The following BCAT1 variants were observed in gnomAD, a reference collection of about 807,000 sequenced individuals.
The protein encoded by BCAT1 is branched-chain-amino-acid aminotransferase, cytosolic.
Under a neutral mutation model 52.4 loss-of-function variants are expected in BCAT1, and 48 were observed. The observed-to-expected ratio is 0.92, with a 90% confidence interval of 0.73 to 1.16. The LOEUF (loss-of-function observed/expected upper bound fraction) is 1.16. Among genes scored for constraint, BCAT1 ranks in the 50% most tolerant of loss-of-function variants. The pLI, the probability that BCAT1 is intolerant of heterozygous loss-of-function variation, is 0.00. For missense variants in BCAT1, 451 were observed against 457.1 expected, an observed-to-expected ratio of 0.99 and a Z score of 0.12; for synonymous variants, 167 against 161.3, an observed-to-expected ratio of 1.04 and a Z score of -0.27.
chr12:24,943,784 A>T (rs971700319), intron 1 of BCAT1, among the ~76,000 whole-genome samples: 1 of 151,916 alleles, frequency 6.6e-6, no homozygotes, highest in African/African-American at 2.4e-5. Context: ...GGAGATCAAG[A>T]CCTTCCTGGC....
Position 24,902,807 on chromosome 12 carries a change from C to T in BCAT1, c.7-922G>A, listed in dbSNP as rs563951814. 114 of 1,229,290 alleles carry T rather than the reference C, an allele frequency of 9.3e-5. No homozygotes were observed. In the African/African-American group the frequency reaches 1.5e-3, roughly 17 times the overall value. The allele number at this position is 1,229,290 out of a possible 1,614,324, so 76.1% of individuals were successfully genotyped here. A position where few individuals can be genotyped will look rare whatever the true frequency, so the allele number is the denominator to read the frequency against. ...GCAGGGATGCGGGGAAGGGAAGACG[C>T]CTCGCTGGAGGCGGAATGGAGGGCA... On this transcript the variant is annotated intron_variant, in intron 1 of 10. Coordinates refer to ENST00000261192, the MANE Select transcript of BCAT1 (RefSeq NM_005504.7).
At chr12:24,936,723 T>TCTCTCTCACA (rs201793932) in intron 1 of BCAT1, among the ~76,000 whole-genome samples, 4 of 141,800 alleles carry the variant, frequency 2.8e-5, no homozygotes, top group African/African-American at 1.0e-4. Flanking sequence ...TCTCTCTCTC[T>TCTCTCTCACA]CACACACACA....
chr12:24,911,440 C>T (rs964970360), intron 1 of BCAT1, among the ~76,000 whole-genome samples: 2 of 152,104 alleles, frequency 1.3e-5, no homozygotes, highest in Non-Finnish European at 2.9e-5. Context: ...GGACCCTGCT[C>T]GAAGTTTGTG....
At chr12:24,900,352 G>A (rs776310255) in intron 2 of BCAT1, among the ~76,000 whole-genome samples, 3 of 152,184 alleles carry the variant, frequency 2.0e-5, no homozygotes, top group African/African-American at 4.8e-5. Context: ...TTGGGAGGCC[G>A]AGGTGGGAGG....
chr12:24,886,018 T>C (rs1156261754), intron 3 of BCAT1, among the ~76,000 whole-genome samples: 2 of 152,194 alleles, frequency 1.3e-5, no homozygotes, highest in African/African-American at 4.8e-5. Flanking sequence ...AATTTAAACA[T>C]ATTTCTTGTC....
chr12:24,817,940 T>C lies in BCAT1; in HGVS notation c.*68A>G, dbSNP rs1459460263. The C allele has an allele frequency of 5.9e-6, 9 of 1,515,066 alleles. No homozygotes were observed. Among genetic ancestry groups the C allele is most frequent in the South Asian group, 2.3e-5 (2 of 87,764 alleles). 93.9% of individuals were successfully genotyped at this position (1,515,066 alleles called of 1,614,324 possible). Reference sequence around the variant, plus strand: ...CCAAAGAAATCTATCACAATTCAAATGCAACAGTCTGTCCCAGTAGCATAC... The same window carrying C: ...CCAAAGAAATCTATCACAATTCAAACGCAACAGTCTGTCCCAGTAGCATAC... On this transcript the variant is annotated 3_prime_UTR_variant, in exon 11 of 11. Coordinates refer to ENST00000261192, the MANE Select transcript of BCAT1 (RefSeq NM_005504.7).
intron 1 of BCAT1, among the ~76,000 whole-genome samples, chr12:24,940,074 T>C (rs1292924190): frequency 1.3e-5 from 2 of 152,204 alleles, no homozygotes; most frequent in South Asian, 2.1e-4. Context: ...CTTTCCTCAA[T>C]TGTTTTCTTT....
At chr12:24,914,431 A>C (rs1298007520) in intron 1 of BCAT1, among the ~76,000 whole-genome samples, 1 of 152,160 alleles carries the variant, frequency 6.6e-6, no homozygotes, top group Non-Finnish European at 1.5e-5. Flanking sequence ...TCGTGAGAAC[A>C]GGCCGCTCCA....
At chr12:24,889,377 T>C (rs1942773252) in intron 3 of BCAT1, among the ~76,000 whole-genome samples, 1 of 152,216 alleles carries the variant, frequency 6.6e-6, no homozygotes, top group African/African-American at 2.4e-5. Context: ...CATTTATCAC[T>C]GATGTCTATT....
Position 24,828,159 on chromosome 12 carries a change from C to T in BCAT1, c.1119+1664G>A, listed in dbSNP as rs78083705. On this transcript the variant is annotated intron_variant, in intron 10 of 10. Transcript: ENST00000261192. ...CTTAGTTTCATGACTTAATGCCATC[C>T]GACATCACTCAAATGATCAAACTTT... Among the ~76,000 whole-genome samples the T allele has an allele frequency of 7.9e-5, 12 of 152,302 alleles. No homozygotes were observed. In the South Asian group the frequency reaches 1.0e-3, roughly 13 times the overall value.
intron 5 of BCAT1, among the ~76,000 whole-genome samples, chr12:24,853,589 C>T (rs1417811692): frequency 6.6e-6 from 1 of 152,096 alleles, no homozygotes; most frequent in Non-Finnish European, 1.5e-5. Flanking sequence ...TAACTCCTGA[C>T]TCTCACATAA....
chr12:24,832,739 A>G lies in BCAT1; in HGVS notation c.1028T>C (p.Ile343Thr), dbSNP rs1354844976. 6.2e-7 allele frequency: 1 copy of G among 1,611,174 alleles called. No homozygotes were observed. Among genetic ancestry groups the G allele is most frequent in the South Asian group, 1.1e-5 (1 of 90,270 alleles). The change falls in exon 9 of 11, where the codon ATA (isoleucine) becomes ACA (threonine). Residue 343 changes from isoleucine (I) to threonine (T), a missense_variant. Transcript: ENST00000261192. ...TTGTCGTACCTCGCCTTTGTACAGT[A>G]TATCAGAAACTGGGCAAACAACACA... ...TACVVCPVSD[I>T]LYKGETIHIP... is the part of the protein sequence containing the mutation.
At chr12:24,864,669 C>A (rs1051878546) in intron 5 of BCAT1, among the ~76,000 whole-genome samples, 7 of 152,196 alleles carry the variant, frequency 4.6e-5, no homozygotes, top group African/African-American at 1.7e-4. Context: ...AAGACACACA[C>A]TCCCTTTAGC....
rs1235424758 is a variant in BCAT1 at position 24,836,942 on chromosome 12, GAAAGAA to G, written c.818-352_818-347del. Among the ~76,000 whole-genome samples the G allele has an allele frequency of 3.7e-5, 4 of 107,736 alleles. No individual in the cohort carries two copies. In the Admixed American group the frequency reaches 3.7e-4, roughly 10 times the overall value. 70.7% of individuals were successfully genotyped at this position (107,736 alleles called of 152,430 possible). A position where few individuals can be genotyped will look rare whatever the true frequency, so the allele number is the denominator to read the frequency against. On this transcript the variant is annotated intron_variant, in intron 7 of 10. Transcript: ENST00000261192. ...AGAAAGAAAGAAAGAAAGAAAGAAA[GAAAGAA>G]AGAAAGAAAAGAGAAAGAAAGAAAG...
intron 1 of BCAT1, among the ~76,000 whole-genome samples, chr12:24,907,999 G>A (rs535586227): frequency 6.6e-6 from 1 of 152,166 alleles, no homozygotes; most frequent in South Asian, 2.1e-4. Context: ...ACATGCTGTG[G>A]AGAGTTAAAA....
intron 4 of BCAT1, among the ~76,000 whole-genome samples, chr12:24,878,869 C>T (rs1206704902): frequency 6.6e-6 from 1 of 152,068 alleles, no homozygotes; most frequent in African/African-American, 2.4e-5. Flanking sequence ...ATGAAAACAT[C>T]AGTGTACCTC....
At chr12:24,852,870 C>G (rs1269930771) in intron 5 of BCAT1, among the ~76,000 whole-genome samples, 3 of 152,114 alleles carry the variant, frequency 2.0e-5, no homozygotes, top group Non-Finnish European at 4.4e-5. Flanking sequence ...TCACCTTCAT[C>G]CTCAAATGAT....
chr12:24,928,656 A>G (rs1943631158), intron 1 of BCAT1, among the ~76,000 whole-genome samples: 1 of 150,264 alleles, frequency 6.7e-6, no homozygotes, highest in South Asian at 2.1e-4. Context: ...AAAAACCAAG[A>G]AAAACGAAAA....
intron 1 of BCAT1, among the ~76,000 whole-genome samples, chr12:24,916,202 G>A (rs909084323): frequency 6.6e-6 from 1 of 152,094 alleles, no homozygotes; most frequent in African/African-American, 2.4e-5. Context: ...CCAAAGATTC[G>A]CCATCAGACT....
Sources: allele counts gnomAD v4.1 joint callset (sites outside exome capture counted in the v4.1 genomes callset), GRCh38; gene constraint gnomAD v4.1.1; transcripts MANE v1.5; gene names NCBI Gene and HGNC (gene_info 2026-07-23, HGNC 2026-07-21).